NFKB1: variants seen among roughly 807,000 people sequenced by gnomAD.
NFKB1 encodes nuclear factor kappa B subunit 1.
NFKB1 carries 9 observed loss-of-function variants against 105.1 expected under a neutral mutation model. The ratio of observed to expected loss-of-function variants is 0.09; its 90% CI spans 0.05 to 0.15. NFKB1 has a LOEUF of 0.15. Ranked by LOEUF, NFKB1 falls within the 10% of genes least tolerant of loss-of-function variation. The pLI is 1.00. For synonymous variants in NFKB1, 440 were observed against 442.2 expected, an observed-to-expected ratio of 1.00 and a Z score of 0.06; for missense variants, 830 against 1,203.7, an observed-to-expected ratio of 0.69 and a Z score of 4.59.
chr4:102,579,092 G>A, intron 8 of NFKB1, 53 bp downstream of exon 8: 1 of 1,564,966 alleles, frequency 6.4e-7, no homozygotes, highest in Non-Finnish European at 8.7e-7. Flanking sequence ...TTCCAGCCCT[G>A]CCCTGCCATT....
At chr4:102,574,239 A>G (rs1177171302) in intron 6 of NFKB1, among the ~76,000 whole-genome samples, 1 of 145,370 alleles carries the variant, frequency 6.9e-6, no homozygotes, top group Non-Finnish European at 1.5e-5. Context: ...TTTAAGCTTT[A>G]TCAGAGAGAC....
chr4:102,571,575 A>G (rs564585297), intron 6 of NFKB1, among the ~76,000 whole-genome samples: 1 of 152,348 alleles, frequency 6.6e-6, no homozygotes, highest in Non-Finnish European at 1.5e-5. Flanking sequence ...AATTTTTACA[A>G]TGTATCCATC....
intron 16 of NFKB1, 69 bp from the exon 17 acceptor site, chr4:102,606,427 T>C: frequency 1.4e-6 from 2 of 1,462,960 alleles, no homozygotes; most frequent in Admixed American, 3.4e-5. Flanking sequence ...CAGTAACAGC[T>C]ACCAAGCTGT....
rs1367792847 is a variant in NFKB1, at chr4:102,593,374, G to A, written c.1067-51G>A. ...ATCAGTGGTCTTTCTGTGGCTAGTG[G>A]TGGGACCAAATCAATCTTTTCTCCT... On this transcript the variant is annotated intron_variant, in intron 11 of 23. Coordinates refer to ENST00000226574, the MANE Select transcript of NFKB1 (RefSeq NM_003998.4). The A allele has an allele frequency of 2.6e-6, 4 of 1,533,524 alleles. 1 individual carries two copies. In the South Asian group the frequency reaches 3.6e-5, roughly 14 times the overall value. The allele number at this position is 1,533,524 out of a possible 1,614,324, so 95.0% of individuals were successfully genotyped here. A position where few individuals can be genotyped will look rare whatever the true frequency, so the allele number is the denominator to read the frequency against.
chr4:102,577,109 A>G, intron 7 of NFKB1, 70 bp downstream of exon 7: 1 of 1,481,856 alleles, frequency 6.7e-7, no homozygotes, highest in Non-Finnish European at 9.1e-7. Context: ...TATGAATTAT[A>G]TGTTCATCTG....
Position 102,533,838 on chromosome 4 carries a change from T to C in NFKB1, c.119-7T>C. ...TTTTGGTTTCTGTTTGTTGTTTTTG[T>C]TTTTAGCAGATGGCCCATACCTTCA... On this transcript the variant is annotated splice_polypyrimidine_tract_variant and splice_region_variant and intron_variant, in intron 3 of 23. Coordinates refer to ENST00000226574, the MANE Select transcript of NFKB1 (RefSeq NM_003998.4). 1 of 1,611,360 alleles carries C rather than the reference T, an allele frequency of 6.2e-7. No individual in the cohort carries two copies. The highest frequency in any genetic ancestry group is 8.5e-7 in the Non-Finnish European group (1 of 1,178,870).
At chr4:102,603,891 A>C (rs926807572) in intron 16 of NFKB1, among the ~76,000 whole-genome samples, 1 of 152,160 alleles carries the variant, frequency 6.6e-6, no homozygotes, top group Non-Finnish European at 1.5e-5. Context: ...TTTTATGAAA[A>C]TATTCTCTTT....
intron 16 of NFKB1, 128 bp from the exon 17 acceptor site, chr4:102,606,368 A>C (rs1375769403): frequency 7.9e-6 from 7 of 883,556 alleles, no homozygotes; most frequent in East Asian, 4.8e-5. Context: ...CAAGGTCAGA[A>C]GTTAATCTGG....
intron 1 of NFKB1, among the ~76,000 whole-genome samples, chr4:102,508,738 CT>C (rs937429211): frequency 1.3e-5 from 2 of 152,076 alleles, no homozygotes; most frequent in Admixed American, 1.3e-4. Flanking sequence ...AAACCTGAGT[CT>C]TTTGAAAGAT....
intron 13 of NFKB1, among the ~76,000 whole-genome samples, chr4:102,595,580 A>G (rs4648064): frequency 0.025 from 3,831 of 152,324 alleles, 149 homozygotes; most frequent in African/African-American, 0.084. Context: ...AAAGGCATCA[A>G]AGTTCAGAAA....
chr4:102,551,377 CATGTGT>C (rs1722593723), intron 5 of NFKB1, among the ~76,000 whole-genome samples: 2 of 143,486 alleles, frequency 1.4e-5, no homozygotes, highest in South Asian at 2.2e-4. Flanking sequence ...TGCGCGCGCG[CATGTGT>C]GTGTGTGTGT....
At chr4:102,613,977 G>A (rs535760713) in intron 23 of NFKB1, among the ~76,000 whole-genome samples, 36 of 152,228 alleles carry the variant, frequency 2.4e-4, no homozygotes, top group African/African-American at 8.7e-4. Context: ...GGGACTACGT[G>A]TCATGCCACC....
Position 102,613,544 on chromosome 4 carries a change from G to T in NFKB1, c.2712G>T (p.Ser904=). Residue 904 remains serine, a synonymous_variant, in exon 23 of 24, where the codon TCG becomes TCT. Coordinates refer to ENST00000226574, the MANE Select transcript of NFKB1 (RefSeq NM_003998.4). Reference sequence around the variant, plus strand: ...TGAAGACCACCTCTCAGGCCCACTCGCTGCCTCTCTCGCCTGCCTCCACAA... The same window carrying T: ...TGAAGACCACCTCTCAGGCCCACTCTCTGCCTCTCTCGCCTGCCTCCACAA... ...SPVKTTSQAH[S]LPLSPASTRQ... The T allele has an allele frequency of 6.2e-7, 1 of 1,613,518 alleles. No individual in the cohort carries two copies. Among genetic ancestry groups the T allele is most frequent in the Admixed American group, 1.7e-5 (1 of 59,988 alleles).
At chr4:102,538,108 T>G (rs923496628) in intron 5 of NFKB1, 152 bp downstream of exon 5, 13 of 457,758 alleles carry the variant, frequency 2.8e-5, no homozygotes, top group Non-Finnish European at 5.1e-5. Flanking sequence ...GAAATTTGTC[T>G]CCTAGCAATA....
intron 11 of NFKB1, among the ~76,000 whole-genome samples, chr4:102,587,695 C>G (rs774003893): frequency 2.2e-4 from 34 of 152,066 alleles, no homozygotes; most frequent in Middle Eastern, 3.2e-3. Flanking sequence ...AGTTTAAGAA[C>G]TGTCTGGAGA....
chr4:102,606,609 A>G lies in NFKB1; in HGVS notation c.1866A>G (p.Leu622=), dbSNP rs768626739. The stretch of plus-strand genomic sequence containing the variant: ...GCTTGGGTAACTCTGTTTTGCACCT[A>G]GCTGCCAAAGAAGGACATGATAAAG... ...LDRLGNSVLH[L]AAKEGHDKVL... is the part of the protein sequence containing the mutation. Residue 622 remains leucine, a synonymous_variant, in exon 17 of 24, where the codon CTA becomes CTG. Coordinates refer to ENST00000226574, the MANE Select transcript of NFKB1 (RefSeq NM_003998.4). 3 of 1,614,186 alleles carry G rather than the reference A, an allele frequency of 1.9e-6. No homozygotes were observed. In the Admixed American group the frequency reaches 5.0e-5, roughly 27 times the overall value.
At chr4:102,518,345 G>A (rs1236186915) in intron 1 of NFKB1, among the ~76,000 whole-genome samples, 1 of 152,134 alleles carries the variant, frequency 6.6e-6, no homozygotes, top group Non-Finnish European at 1.5e-5. Context: ...ACACCACAGT[G>A]TTTTGGCTAC....
At chr4:102,530,576 A>C (rs1049487649) in intron 3 of NFKB1, among the ~76,000 whole-genome samples, 1 of 152,198 alleles carries the variant, frequency 6.6e-6, no homozygotes, top group African/African-American at 2.4e-5. Context: ...ACCCGTCACC[A>C]GTGGGACTTA....
chr4:102,526,460 A>G (rs1578722221), intron 2 of NFKB1, among the ~76,000 whole-genome samples: 1 of 152,170 alleles, frequency 6.6e-6, no homozygotes, highest in African/African-American at 2.4e-5. Context: ...TATACAATCT[A>G]TGCATGTAAC....
Sources: allele counts gnomAD v4.1 joint callset (sites outside exome capture counted in the v4.1 genomes callset), GRCh38; gene constraint gnomAD v4.1.1; transcripts MANE v1.5; gene names NCBI Gene and HGNC (gene_info 2026-07-23, HGNC 2026-07-21).